Variants in HELQ observed in about 807,000 individuals in gnomAD.
HELQ encodes helicase POLQ-like.
Under a neutral mutation model 111.6 loss-of-function variants are expected in HELQ, and 77 were observed. That is an observed-to-expected ratio of 0.69 (90% CI 0.57 to 0.83). HELQ has a LOEUF of 0.83. Among genes scored for constraint, HELQ ranks in the 40% least tolerant of loss-of-function variants. The pLI is 0.00. For synonymous variants in HELQ, 438 were observed against 454.7 expected (o/e 0.96, Z 0.47); for missense variants, 1,200 against 1,288.5 (o/e 0.93, Z 1.05).
At chr4:83,454,541 C>T (rs1721624020) in intron 1 of HELQ, among the ~76,000 whole-genome samples, 1 of 151,464 alleles carries the variant, frequency 6.6e-6, no homozygotes, top group Admixed American at 6.6e-5. Context: ...TCCCAAGTAG[C>T]TAGGACTACA....
rs1482841165 is a variant in HELQ, at chr4:83,407,506, T to G, written c.3253A>C (p.Arg1085=). 9.9e-6 allele frequency: 16 copies of G among 1,611,866 alleles called. No homozygotes were observed. Among genetic ancestry groups the G allele is most frequent in the Non-Finnish European group, 1.4e-5 (16 of 1,179,384 alleles). ...GCACCAGGGAAATCAGAAGGCAATC[T>G]TAGTAACTCTTCTACCTCTTCTTGC... The part of the protein sequence containing the change: ...ALQEEVEELL[R]LPSDFPGAVA... Residue 1085 remains arginine, a synonymous_variant, in exon 18 of 18, where the codon AGA becomes CGA. Coordinates refer to ENST00000295488, the MANE Select transcript of HELQ (RefSeq NM_133636.5).
chr4:83,427,777 G>A (rs1719923776), intron 12 of HELQ, 57 bp from the exon 13 acceptor site: 5 of 1,243,840 alleles, frequency 4.0e-6, no homozygotes, highest in Non-Finnish European at 4.3e-6. Context: ...GCAAAGAGAT[G>A]GCTTTAAATA....
intron 2 of HELQ, among the ~76,000 whole-genome samples, chr4:83,449,317 C>T (rs554565464): frequency 6.6e-6 from 1 of 152,324 alleles, no homozygotes; most frequent in Non-Finnish European, 1.5e-5. Context: ...GAATGTCTTC[C>T]TCTTATGTTC....
At chr4:83,444,583 C>A (rs1006876311) in intron 5 of HELQ, among the ~76,000 whole-genome samples, 3 of 152,084 alleles carry the variant, frequency 2.0e-5, no homozygotes, top group African/African-American at 7.2e-5. Context: ...CATATGACAT[C>A]CTGGGCAATA....
At chr4:83,419,681 T>C (rs952498429) in intron 15 of HELQ, among the ~76,000 whole-genome samples, 2 of 151,898 alleles carry the variant, frequency 1.3e-5, no homozygotes, top group East Asian at 3.9e-4. Context: ...AGGGAAAGCA[T>C]CTTTAAATAT....
intron 1 of HELQ, among the ~76,000 whole-genome samples, chr4:83,454,680 G>C (rs913710378): frequency 3.3e-5 from 5 of 149,866 alleles, no homozygotes; most frequent in Non-Finnish European, 7.4e-5. Flanking sequence ...TCCCATCTCT[G>C]CCTCCTAAAG....
chr4:83,441,939 A>C (rs1720782536), intron 6 of HELQ, among the ~76,000 whole-genome samples: 1 of 151,878 alleles, frequency 6.6e-6, no homozygotes. Context: ...ACGCCAGGCT[A>C]ATTTTTATAG....
At chr4:83,409,856 ATAAC>A (rs1458580377) in intron 17 of HELQ, among the ~76,000 whole-genome samples, 1 of 152,156 alleles carries the variant, frequency 6.6e-6, no homozygotes. Context: ...ACTAATAACT[ATAAC>A]TAAATAACTG....
rs1251256412 is a variant in HELQ, at chr4:83,436,930, T to C, written c.1976A>G (p.Tyr659Cys). The C allele has an allele frequency of 1.9e-6, 3 of 1,613,960 alleles. No individual in the cohort carries two copies. The highest frequency in any genetic ancestry group is 1.1e-5 in the South Asian group (1 of 91,078). The part of the protein sequence containing the change: ...SDERKLLEEA[Y>C]STGVLCLFTC... ...AAAAAGACAGAGCACTCCTGTGGAG[T>C]AGGCCTCCTCCAAGAGTTTCCTTTC... Residue 659 changes from tyrosine to cysteine, a missense_variant, in exon 9 of 18, where the codon TAC becomes TGC. By Grantham distance (194) the Tyr-to-Cys change is radical. Transcript: ENST00000295488.
At chr4:83,429,441 G>A in intron 12 of HELQ, 83 bp downstream of exon 12, 1 of 1,040,812 alleles carries the variant, frequency 9.6e-7, no homozygotes. Context: ...GAGCCACTGT[G>A]CCCAGCTTAA....
chr4:83,422,532 G>A lies in HELQ; in HGVS notation c.2776-796C>T, dbSNP rs533431242. 1.6e-4 allele frequency among the ~76,000 whole-genome samples: 25 copies of A among 152,290 alleles called. No individual in the cohort carries two copies. The South Asian group carries it at 5.2e-3, about 32-fold the overall frequency. On this transcript the variant is annotated intron_variant, in intron 14 of 17. Transcript: ENST00000295488. ...CAGAGAAGGCAGCAATGTGAAGATG[G>A]AGGCTGAGATTGGAGGGATGCATCT...
At chr4:83,417,745 C>A (rs1189017139) in intron 16 of HELQ, among the ~76,000 whole-genome samples, 1 of 152,166 alleles carries the variant, frequency 6.6e-6, no homozygotes, top group South Asian at 2.1e-4. Context: ...TTATCTTAAA[C>A]AAGCACTGAG....
At position 83,426,988 on chromosome 4, in the gene HELQ, C is replaced by A. The variant is rs536090954; in HGVS notation, c.2676+575G>T. ...GTGATGGGTTGTAAAATAAATATTC[C>A]TTTTCAGTTATTAACGTCATTGGGT... On this transcript the variant is annotated intron_variant, in intron 13 of 17. Transcript: ENST00000295488. Among the ~76,000 whole-genome samples the A allele has an allele frequency of 2.6e-5, 4 of 152,226 alleles. No homozygotes were observed. In the South Asian group the frequency reaches 8.3e-4, roughly 32 times the overall value.
chr4:83,439,179 C>T (rs999828554), intron 8 of HELQ, among the ~76,000 whole-genome samples: 21 of 149,876 alleles, frequency 1.4e-4, no homozygotes, highest in Non-Finnish European at 3.0e-4. Flanking sequence ...GTGATTCTCC[C>T]GCCTTAGCCT....
At chr4:83,436,010 T>C (rs978430370) in intron 9 of HELQ, among the ~76,000 whole-genome samples, 3 of 151,560 alleles carry the variant, frequency 2.0e-5, no homozygotes, top group African/African-American at 7.3e-5. Context: ...CAAAGCAAAA[T>C]TATTAAATGA....
chr4:83,449,869 A>C (rs1386677900), intron 2 of HELQ, among the ~76,000 whole-genome samples: 8 of 58,670 alleles, frequency 1.4e-4, no homozygotes, highest in African/African-American at 3.7e-4. Flanking sequence ...AATAACTATC[A>C]AAAAAAAAAA....
chr4:83,447,964 C>T (rs60731288), intron 3 of HELQ, among the ~76,000 whole-genome samples: 15,704 of 151,516 alleles, frequency 0.1, 2,677 homozygotes, highest in African/African-American at 0.36. Flanking sequence ...AATCCCAGCA[C>T]TTTGGGGGGC....
intron 17 of HELQ, among the ~76,000 whole-genome samples, chr4:83,415,857 G>A (rs950680022): frequency 6.6e-6 from 1 of 152,038 alleles, no homozygotes; most frequent in Non-Finnish European, 1.5e-5. Flanking sequence ...ATGTTGGCCA[G>A]GCTGGTCTCA....
intron 17 of HELQ, among the ~76,000 whole-genome samples, chr4:83,414,844 C>T (rs58716166): frequency 6.8e-6 from 1 of 147,594 alleles, no homozygotes; most frequent in Non-Finnish European, 1.5e-5. Context: ...TTTAATGAAC[C>T]TTTTTTTTTT....
Sources: allele counts gnomAD v4.1 joint callset (sites outside exome capture counted in the v4.1 genomes callset), GRCh38; gene constraint gnomAD v4.1.1; transcripts MANE v1.5; gene names NCBI Gene and HGNC (gene_info 2026-07-23, HGNC 2026-07-21).